The following JARID2 variants were observed in gnomAD, a reference collection of about 807,000 sequenced individuals.
JARID2 encodes jumonji and AT-rich interaction domain containing 2, also known as protein Jumonji.
In JARID2, 21 loss-of-function variants were observed where a neutral mutation model predicts 125.6. That is an observed-to-expected ratio of 0.17 (90% CI 0.12 to 0.24). The LOEUF is 0.24. JARID2 is among the 10% of genes least tolerant of loss of function. JARID2 has a pLI of 1.00. For synonymous variants in JARID2, 736 were observed against 661.6 expected, an observed-to-expected ratio of 1.11 and a Z score of -1.73; for missense variants, 1,303 against 1,639.6, an observed-to-expected ratio of 0.79 and a Z score of 3.55.
At chr6:15,311,799 A>G (rs1008728765) in intron 1 of JARID2, among the ~76,000 whole-genome samples, 1 of 151,304 alleles carries the variant, frequency 6.6e-6, no homozygotes, top group Non-Finnish European at 1.5e-5. Context: ...TTAATACCCT[A>G]AGCCCCAAAA....
At chr6:15,323,845 G>A (rs540168690) in intron 1 of JARID2, among the ~76,000 whole-genome samples, 2 of 151,848 alleles carry the variant, frequency 1.3e-5, no homozygotes, top group Admixed American at 6.6e-5. Flanking sequence ...TGAGCTGATC[G>A]CGCCACTGTA....
chr6:15,262,672 G>T lies in JARID2; in HGVS notation c.45+16088G>T, dbSNP rs377303414. 1.1e-4 allele frequency among the ~76,000 whole-genome samples: 17 copies of T among 151,926 alleles called. No individual in the cohort carries two copies. In the East Asian group the frequency reaches 1.9e-3, roughly 17 times the overall value. Reference sequence around the variant, plus strand: ...CTTGCCTCAGCCTTCCGAGTAGCTGGGATTACAGGTGTGCGCCACCACGCC... The same window carrying T: ...CTTGCCTCAGCCTTCCGAGTAGCTGTGATTACAGGTGTGCGCCACCACGCC... On this transcript the variant is annotated intron_variant, in intron 1 of 17. Coordinates refer to ENST00000341776, the MANE Select transcript of JARID2 (RefSeq NM_004973.4).
At chr6:15,418,128 C>G (rs1013008411) in intron 3 of JARID2, among the ~76,000 whole-genome samples, 1 of 151,738 alleles carries the variant, frequency 6.6e-6, no homozygotes, top group Non-Finnish European at 1.5e-5. Flanking sequence ...TCCATCGTGG[C>G]TGCTCATGCA....
chr6:15,331,687 G>A (rs551733726), intron 1 of JARID2, among the ~76,000 whole-genome samples: 7 of 152,190 alleles, frequency 4.6e-5, no homozygotes, highest in East Asian at 3.9e-4. Flanking sequence ...CCAACATGGA[G>A]AAACCCCGAC....
At chr6:15,338,181 G>C (rs1762943862) in intron 1 of JARID2, among the ~76,000 whole-genome samples, 1 of 152,286 alleles carries the variant, frequency 6.6e-6, no homozygotes, top group Middle Eastern at 3.4e-3. Flanking sequence ...AGTGGAGAGT[G>C]AAAGGAGGCC....
chr6:15,408,931 A>G (rs533157260), intron 2 of JARID2, among the ~76,000 whole-genome samples: 45 of 152,224 alleles, frequency 3.0e-4, no homozygotes, highest in South Asian at 1.7e-3. Flanking sequence ...CTATTTCTGT[A>G]TTGTAGTCAC....
chr6:15,297,028 G>T (rs1394729511), intron 1 of JARID2, among the ~76,000 whole-genome samples: 5 of 152,204 alleles, frequency 3.3e-5, no homozygotes, highest in Admixed American at 3.3e-4. Context: ...GAGAAGTCCT[G>T]CAGTCTTTCC....
chr6:15,341,636 A>G (rs1763073954), intron 1 of JARID2, among the ~76,000 whole-genome samples: 1 of 152,272 alleles, frequency 6.6e-6, no homozygotes, highest in Non-Finnish European at 1.5e-5. Context: ...ACTGTACTCT[A>G]GCAGTGACTG....
At chr6:15,472,457 G>T (rs567368345) in intron 5 of JARID2, among the ~76,000 whole-genome samples, 3 of 152,280 alleles carry the variant, frequency 2.0e-5, no homozygotes, top group African/African-American at 7.2e-5. Flanking sequence ...TCCCTGAGCA[G>T]CTGGCTTATA....
chr6:15,345,948 T>A (rs758611461), intron 1 of JARID2, among the ~76,000 whole-genome samples: 23 of 152,336 alleles, frequency 1.5e-4, no homozygotes, highest in Non-Finnish European at 2.9e-4. Flanking sequence ...TTAGCTTTTC[T>A]TTCATGGAGT....
intron 1 of JARID2, among the ~76,000 whole-genome samples, chr6:15,277,404 A>G (rs1458272495): frequency 6.6e-6 from 1 of 152,178 alleles, no homozygotes; most frequent in Admixed American, 6.5e-5. Context: ...GATTACAGGC[A>G]TGAGCCACCG....
chr6:15,454,641 C>CA (rs1028882770), intron 4 of JARID2, among the ~76,000 whole-genome samples: 2 of 140,772 alleles, frequency 1.4e-5, no homozygotes, highest in African/African-American at 5.2e-5. Flanking sequence ...CCACACCCAG[C>CA]AATTTTTTTT....
At chr6:15,445,404 T>C (rs1353092340) in intron 3 of JARID2, among the ~76,000 whole-genome samples, 1 of 152,224 alleles carries the variant, frequency 6.6e-6, no homozygotes. Context: ...ATATTTTATT[T>C]TAACAACAAA....
Position 15,476,851 on chromosome 6 carries a change from A to AT in JARID2, c.670+8138dup, listed in dbSNP as rs372508792. 1.6e-4 allele frequency among the ~76,000 whole-genome samples: 24 copies of AT among 152,250 alleles called. 1 individual carries two copies. The highest frequency in any genetic ancestry group is 5.8e-4 in the African/African-American group (24 of 41,546). On this transcript the variant is annotated intron_variant, in intron 5 of 17. Coordinates refer to ENST00000341776, the MANE Select transcript of JARID2 (RefSeq NM_004973.4). ...ACAAGTTGATATTTGAGATGCCTAGATTTTTCTTAAGCTCTCATAATTGGT... is the reference window on the plus strand; with the variant it reads ...ACAAGTTGATATTTGAGATGCCTAGATTTTTTCTTAAGCTCTCATAATTGGT...
At chr6:15,430,128 T>G (rs1042990071) in intron 3 of JARID2, among the ~76,000 whole-genome samples, 4 of 152,224 alleles carry the variant, frequency 2.6e-5, no homozygotes, top group African/African-American at 9.7e-5. Context: ...ACATTTAACC[T>G]CTGCATCTAT....
chr6:15,330,659 A>T (rs915559855), intron 1 of JARID2, among the ~76,000 whole-genome samples: 5 of 152,230 alleles, frequency 3.3e-5, no homozygotes, highest in Admixed American at 2.6e-4. Flanking sequence ...CAAAACATTT[A>T]ACATTTTGAA....
intron 2 of JARID2, among the ~76,000 whole-genome samples, chr6:15,393,037 C>T (rs546834487): frequency 6.6e-6 from 1 of 152,154 alleles, no homozygotes; most frequent in African/African-American, 2.4e-5. Flanking sequence ...AAAAGCCATG[C>T]GTGGATAGAG....
rs148567861 is a variant in JARID2, at chr6:15,477,354, C to T, written c.670+8636C>T. Among the ~76,000 whole-genome samples, 590 of 151,946 alleles carry T rather than the reference C, an allele frequency of 3.9e-3. 4 individuals are homozygous for T. Among genetic ancestry groups the T allele is most frequent in the Middle Eastern group, 0.021 (6 of 292 alleles). On this transcript the variant is annotated intron_variant, in intron 5 of 17. Transcript: ENST00000341776. ...ATAGCCCTGCTATGTTCAGTGGGGA[C>T]AGACACTCTGTAACAGACAAATGCC...
intron 2 of JARID2, among the ~76,000 whole-genome samples, chr6:15,409,790 T>C (rs1765801212): frequency 6.6e-6 from 1 of 152,222 alleles, no homozygotes; most frequent in Non-Finnish European, 1.5e-5. Context: ...GGATGCCTTT[T>C]CTTGTGTGGC....
Sources: allele counts gnomAD v4.1 joint callset (sites outside exome capture counted in the v4.1 genomes callset), GRCh38; gene constraint gnomAD v4.1.1; transcripts MANE v1.5; gene names NCBI Gene and HGNC (gene_info 2026-07-23, HGNC 2026-07-21).